ATG4B: variants seen among roughly 807,000 people sequenced by gnomAD.
ATG4B encodes autophagy related 4B cysteine peptidase, also known as cysteine protease ATG4B.
A neutral mutation model predicts 56.6 loss-of-function variants in ATG4B; 29 were observed. That is an observed-to-expected ratio of 0.51 (90% CI 0.38 to 0.70). ATG4B has a LOEUF of 0.70. Among genes scored for constraint, ATG4B ranks in the 30% least tolerant of loss-of-function variants. The pLI, the probability that ATG4B is intolerant of heterozygous loss-of-function variation, is 0.00. For missense variants in ATG4B, 461 were observed against 515.5 expected, an observed-to-expected ratio of 0.89 and a Z score of 1.02; for synonymous variants, 224 against 206.1, an observed-to-expected ratio of 1.09 and a Z score of -0.74.
At chr2:241,672,035 C>G in intron 12 of ATG4B, 156 bp from the exon 13 acceptor site, 1 of 1,427,324 alleles carries the variant, frequency 7.0e-7, no homozygotes, top group East Asian at 2.6e-5. Flanking sequence ...ATTCGCAGGT[C>G]TGCACAACCC....
rs766765453 is a variant in ATG4B at position 241,671,328 on chromosome 2, G to C, written c.1031G>C (p.Gly344Ala). The C allele has an allele frequency of 1.2e-6, 2 of 1,613,266 alleles. No homozygotes were observed. The highest frequency in any genetic ancestry group is 8.5e-7 in the Non-Finnish European group (1 of 1,179,718). ...CACTAACAGCTGTCTCTGCTTGGAG[G>C]TGCCCTGCCCATGTTTGAGCTGGTG... is the stretch of plus-strand genomic sequence containing the variant. Reference protein sequence around the residue: ...QQVKKLSLLGGALPMFELVEL... With the variant: ...QQVKKLSLLGAALPMFELVEL... The change falls in exon 12 of 13, where the codon GGT becomes GCT. Residue 344 changes from glycine (G) to alanine (A), a missense_variant. Transcript: ENST00000404914.
chr2:241,638,674 G>C (rs189932789), intron 1 of ATG4B, among the ~76,000 whole-genome samples: 2 of 152,132 alleles, frequency 1.3e-5, no homozygotes, highest in South Asian at 4.1e-4. Context: ...TAAGATCTGA[G>C]TTGGAAAACT....
chr2:241,658,100 C>T (rs1172746170), intron 6 of ATG4B, among the ~76,000 whole-genome samples: 7 of 152,242 alleles, frequency 4.6e-5, no homozygotes, highest in Non-Finnish European at 2.9e-5. Context: ...TGTTGACCAC[C>T]GGCCCACGTG....
At chr2:241,658,597 G>A (rs2068490202) in intron 6 of ATG4B, among the ~76,000 whole-genome samples, 1 of 152,212 alleles carries the variant, frequency 6.6e-6, no homozygotes, top group African/African-American at 2.4e-5. Flanking sequence ...CCTCAGAAGG[G>A]GAAATCCAAG....
chr2:241,651,446 A>G lies in ATG4B; in HGVS notation c.184+111A>G. 2 of 854,828 alleles carry G rather than the reference A, an allele frequency of 2.3e-6. No homozygotes were observed. The highest frequency in any genetic ancestry group is 2.5e-5 in the Admixed American group (1 of 39,260). 53.0% of individuals were successfully genotyped at this position (854,828 alleles called of 1,614,324 possible). A position where few individuals can be genotyped will look rare whatever the true frequency, so the allele number is the denominator to read the frequency against. ...TGCCACTGACTTCATTTGAATCTTC[A>G]CAGCAATCCTGCTTAACTGAATTGG... On this transcript the variant is annotated intron_variant, in intron 3 of 12. Transcript: ENST00000404914. This position sits in a 1 kb window ranked among gnomAD's most constrained non-coding sequence, Gnocchi z 4.1.
In ATG4B at chr2:241,651,321, A is replaced by G. The variant is rs1377974486; in HGVS notation, c.170A>G (p.Asn57Ser). ...AGACTTTGGTTTACATACAGGAAAA[A>G]CTTTCCAGCCATTGGTAAGTACTCT... ...ASRLWFTYRK[N>S]FPAIGGTGPT... The change falls in exon 3 of 13, where the codon AAC (asparagine) becomes AGC (serine). Residue 57 changes from asparagine (N) to serine (S), a missense_variant. By Grantham distance (46) the Asn-to-Ser change is conservative. Transcript: ENST00000404914. This position sits in a 1 kb window ranked among gnomAD's most constrained non-coding sequence, Gnocchi z 4.1. The G allele has an allele frequency of 3.8e-6, 6 of 1,598,298 alleles. No individual in the cohort carries two copies. The highest frequency in any genetic ancestry group is 2.2e-5 in the East Asian group (1 of 44,574).
chr2:241,655,398 G>A, intron 6 of ATG4B, 55 bp downstream of exon 6: 1 of 1,536,722 alleles, frequency 6.5e-7, no homozygotes, highest in Non-Finnish European at 8.9e-7. Context: ...TTCCCTGGGG[G>A]TTAAATTCTC....
chr2:241,650,377 C>T (rs540492167), intron 1 of ATG4B, among the ~76,000 whole-genome samples: 17 of 152,288 alleles, frequency 1.1e-4, no homozygotes, highest in African/African-American at 3.8e-4. Flanking sequence ...TCTCCAGCAC[C>T]TGCTCCTAAC....
At chr2:241,660,287 G>A (rs566656737) in intron 7 of ATG4B, among the ~76,000 whole-genome samples, 306 of 152,348 alleles carry the variant, frequency 2.0e-3, no homozygotes, top group Non-Finnish European at 3.5e-3. Flanking sequence ...GGGTGTGCCA[G>A]GTCACCACAC....
intron 7 of ATG4B, among the ~76,000 whole-genome samples, chr2:241,665,780 G>T (rs922255046): frequency 1.3e-5 from 2 of 152,204 alleles, no homozygotes; most frequent in Non-Finnish European, 2.9e-5. Context: ...GGTTTTTCTA[G>T]CCTGTCCTTT....
At chr2:241,669,850 G>T (rs6437278) in intron 10 of ATG4B, among the ~76,000 whole-genome samples, 97,450 of 152,048 alleles carry the variant, frequency 0.64, 31,329 homozygotes, top group Middle Eastern at 0.72. Context: ...ATTCCTCGTC[G>T]AACTAGAATT....
intron 1 of ATG4B, among the ~76,000 whole-genome samples, chr2:241,646,508 G>A (rs1429629939): frequency 6.6e-6 from 1 of 152,164 alleles, no homozygotes; most frequent in Non-Finnish European, 1.5e-5. Context: ...TTGACTTTAC[G>A]ATAGTGTGAA....
intron 1 of ATG4B, among the ~76,000 whole-genome samples, chr2:241,645,283 C>T (rs1439389460): frequency 6.6e-6 from 1 of 152,172 alleles, no homozygotes; most frequent in African/African-American, 2.4e-5. Context: ...CTGCAGGTCT[C>T]TTTGGTCCTT....
In ATG4B at chr2:241,670,802, C is replaced by G. The variant is rs755234007; in HGVS notation, c.1014+20C>G. 3.8e-6 allele frequency: 6 copies of G among 1,599,526 alleles called. No individual in the cohort carries two copies. The highest frequency in any genetic ancestry group is 4.3e-6 in the Non-Finnish European group (5 of 1,172,976). ...AAAAAGGTTTGTAGCCGCCCCACAC[C>G]CACAGCCGAGCTGAGCCACCCAGGG... On this transcript the variant is annotated intron_variant, in intron 11 of 12. Transcript: ENST00000404914.
chr2:241,661,087 C>G (rs1193116661), intron 7 of ATG4B, among the ~76,000 whole-genome samples: 6 of 152,224 alleles, frequency 3.9e-5, no homozygotes, highest in Non-Finnish European at 7.3e-5. Context: ...TGAAACGTGG[C>G]TTGTCAGAGT....
intron 1 of ATG4B, 162 bp downstream of exon 1, chr2:241,637,886 G>A: frequency 1.5e-6 from 1 of 674,252 alleles, no homozygotes; most frequent in Non-Finnish European, 2.1e-6. Flanking sequence ...CGGTGTTGGT[G>A]GGTGGTGGGC....
chr2:241,669,266 C>T (rs1189523492), intron 10 of ATG4B, among the ~76,000 whole-genome samples: 1 of 152,016 alleles, frequency 6.6e-6, no homozygotes, highest in African/African-American at 2.4e-5. Context: ...GGAAAGAGGC[C>T]AAAAAACCCC....
chr2:241,670,719 GT>G lies in ATG4B; in HGVS notation c.958-3del. ...GTCGTGTTCTGCTCATCGTCATTTC[GT>G]TTTAGGGGTTTTTCTGTAAGACTGA... On this transcript the variant is annotated splice_region_variant and splice_polypyrimidine_tract_variant and intron_variant, in intron 10 of 12. Coordinates refer to ENST00000404914, the MANE Select transcript of ATG4B (RefSeq NM_013325.5). 6.2e-7 allele frequency: 1 copy of G among 1,608,622 alleles called. No individual in the cohort carries two copies. The highest frequency in any genetic ancestry group is 1.1e-5 in the South Asian group (1 of 90,124).
intron 8 of ATG4B, chr2:241,667,914 C>G: frequency 1.9e-6 from 1 of 528,548 alleles, no homozygotes; most frequent in Non-Finnish European, 3.4e-6. Context: ...CAAAGCCCAC[C>G]TCTGACATGA....
Sources: gnomAD v4.1 joint callset for allele counts (sites outside exome capture counted in the v4.1 genomes callset) on GRCh38, gnomAD v4.1.1 for gene constraint, Gnocchi (gnomAD v3.1) non-coding constraint, MANE v1.5 for transcripts, NCBI Gene and HGNC (gene_info 2026-07-23, HGNC 2026-07-21) for gene names.